COL6A6: variants seen among roughly 807,000 people sequenced by gnomAD.
The protein encoded by COL6A6 is collagen alpha-6(VI) chain.
A neutral mutation model predicts 208.6 loss-of-function variants in COL6A6; 183 were observed. The observed-to-expected ratio is 0.88, with a 90% confidence interval of 0.78 to 0.99. COL6A6 has a LOEUF of 0.99. COL6A6 is among the 50% of genes least tolerant of loss of function. The pLI is 0.00. For missense variants in COL6A6, 2,816 were observed against 2,815.2 expected, an observed-to-expected ratio of 1.00 and a Z score of -0.01; for synonymous variants, 973 against 1,011.8, an observed-to-expected ratio of 0.96 and a Z score of 0.73.
intron 1 of COL6A6, among the ~76,000 whole-genome samples, chr3:130,532,805 C>G (rs988591361): frequency 1.3e-5 from 2 of 152,074 alleles, no homozygotes; most frequent in African/African-American, 4.8e-5. Context: ...GAGATAGTGG[C>G]CAGAGTCATC....
chr3:130,627,206 G>A (rs2064915797), intron 25 of COL6A6, 113 bp from the exon 26 acceptor site: 1 of 911,854 alleles, frequency 1.1e-6, no homozygotes, highest in Admixed American at 2.0e-5. Context: ...GGAGGATCCT[G>A]TGTCCTGCTT....
chr3:130,675,479 A>C lies in COL6A6; in HGVS notation c.*82A>C. ...GTAACTAAATCTGCTGCCAGAACTC[A>C]AGCAACAGTTTGTAGGTTATCAGGT... On this transcript the variant is annotated 3_prime_UTR_variant, in exon 37 of 37. Transcript: ENST00000358511. 5.0e-5 allele frequency: 52 copies of C among 1,036,312 alleles called. No homozygotes were observed. Among genetic ancestry groups the C allele is most frequent in the Non-Finnish European group, 6.9e-5 (50 of 725,358 alleles). 64.2% of individuals were successfully genotyped at this position (1,036,312 alleles called of 1,614,324 possible).
rs2066338501 is a variant in COL6A6, at chr3:130,675,535, G to C, written c.*138G>C. On this transcript the variant is annotated 3_prime_UTR_variant, in exon 37 of 37. Transcript: ENST00000358511. ...GACCCCCTGCATTCATTGGTATTAA[G>C]ATATATCTTGTTCATTTATTTGACC... 1 of 568,290 alleles carries C rather than the reference G, an allele frequency of 1.8e-6. No homozygotes were observed. The highest frequency in any genetic ancestry group is 3.2e-5 in the Admixed American group (1 of 31,044). The allele number at this position is 568,290 out of a possible 1,614,324, so 35.2% of individuals were successfully genotyped here. A position where few individuals can be genotyped will look rare whatever the true frequency, so the allele number is the denominator to read the frequency against.
At chr3:130,602,752 T>C (rs981044013) in intron 20 of COL6A6, among the ~76,000 whole-genome samples, 2 of 152,244 alleles carry the variant, frequency 1.3e-5, no homozygotes, top group African/African-American at 4.8e-5. Context: ...AATAAAACAC[T>C]ATTTAGAATT....
At chr3:130,617,746 A>G (rs951218830) in intron 23 of COL6A6, among the ~76,000 whole-genome samples, 1 of 152,206 alleles carries the variant, frequency 6.6e-6, no homozygotes, top group Non-Finnish European at 1.5e-5. Context: ...GTGAGTTTTC[A>G]TACATTACCC....
chr3:130,608,252 A>G (rs2064244491), intron 21 of COL6A6, among the ~76,000 whole-genome samples: 2 of 152,216 alleles, frequency 1.3e-5, no homozygotes, highest in South Asian at 4.1e-4. Context: ...ATGGCATGAT[A>G]TAAATGAAAT....
chr3:130,547,892 G>T (rs2062555178), intron 1 of COL6A6, among the ~76,000 whole-genome samples: 1 of 152,206 alleles, frequency 6.6e-6, no homozygotes, highest in Non-Finnish European at 1.5e-5. Flanking sequence ...TCGCCTCCCG[G>T]GTTCAAGTGA....
intron 10 of COL6A6, among the ~76,000 whole-genome samples, chr3:130,582,862 G>A (rs925215779): frequency 6.6e-6 from 1 of 152,074 alleles, no homozygotes; most frequent in Admixed American, 6.5e-5. Flanking sequence ...CCCATCCTTG[G>A]GCAGCAGATA....
At chr3:130,611,757 A>G (rs1370237772) in intron 23 of COL6A6, among the ~76,000 whole-genome samples, 2 of 152,230 alleles carry the variant, frequency 1.3e-5, no homozygotes, top group East Asian at 3.8e-4. Context: ...CTATTTGCAT[A>G]AACTTGTATC....
intron 18 of COL6A6, among the ~76,000 whole-genome samples, chr3:130,595,708 A>G (rs1369926918): frequency 6.6e-6 from 1 of 152,198 alleles, no homozygotes; most frequent in Non-Finnish European, 1.5e-5. Flanking sequence ...TGTTATACTA[A>G]TGATAGGTGG....
At chr3:130,575,196 A>G (rs144076421) in intron 8 of COL6A6, among the ~76,000 whole-genome samples, 36 of 152,326 alleles carry the variant, frequency 2.4e-4, no homozygotes, top group African/African-American at 8.7e-4. Flanking sequence ...GAAGACAGAC[A>G]GCCTGACAGC....
At chr3:130,533,572 A>T (rs1193338832) in intron 1 of COL6A6, among the ~76,000 whole-genome samples, 1 of 152,252 alleles carries the variant, frequency 6.6e-6, no homozygotes, top group Admixed American at 6.5e-5. Flanking sequence ...CTTTTTAAAA[A>T]AATAAAATAT....
intron 32 of COL6A6, among the ~76,000 whole-genome samples, chr3:130,646,722 A>G (rs1199030493): frequency 6.6e-6 from 1 of 152,242 alleles, no homozygotes; most frequent in Non-Finnish European, 1.5e-5. Context: ...AGAGTAGTGC[A>G]TAAAAACATG....
chr3:130,543,190 C>T (rs2062414084), intron 1 of COL6A6, among the ~76,000 whole-genome samples: 1 of 152,140 alleles, frequency 6.6e-6, no homozygotes, highest in African/African-American at 2.4e-5. Context: ...AGGTGTGAGC[C>T]ACCGTGTCTG....
At chr3:130,612,394 C>A (rs1576329104) in intron 23 of COL6A6, among the ~76,000 whole-genome samples, 1 of 152,274 alleles carries the variant, frequency 6.6e-6, no homozygotes, top group East Asian at 1.9e-4. Context: ...ACAGTCCCAC[C>A]AGGAGTGTGC....
intron 32 of COL6A6, among the ~76,000 whole-genome samples, chr3:130,648,201 A>G (rs915722451): frequency 1.3e-5 from 2 of 152,324 alleles, no homozygotes; most frequent in Admixed American, 1.3e-4. Flanking sequence ...CAGTTTCTCT[A>G]AGTAATAAGG....
At chr3:130,582,438 G>A (rs1439819615) in intron 10 of COL6A6, among the ~76,000 whole-genome samples, 1 of 152,180 alleles carries the variant, frequency 6.6e-6, no homozygotes, top group Non-Finnish European at 1.5e-5. Flanking sequence ...ACCAGGGAAT[G>A]AGAGTCAGTT....
In COL6A6 at chr3:130,574,391, G is replaced by A. The variant is rs746169004; in HGVS notation, c.3413G>A (p.Gly1138Glu). The A allele has an allele frequency of 2.5e-6, 4 of 1,613,910 alleles. No homozygotes were observed. Among genetic ancestry groups the A allele is most frequent in the Middle Eastern group, 1.6e-4 (1 of 6,084 alleles). The change falls in exon 8 of 37, where the codon GGG becomes GAG. Residue 1138 changes from glycine (G) to glutamate (E), a missense_variant. Physicochemically the swap from Gly to Glu is moderately conservative, Grantham distance 98. Transcript: ENST00000358511. The part of the protein sequence containing the change: ...RGIDIYSVGI[G>E]DVDDQQLIQI... ...ATCGACATCTACTCCGTGGGCATTG[G>A]GGATGTGGATGACCAGCAGCTCATT... is the stretch of plus-strand genomic sequence containing the variant.
chr3:130,533,419 T>C (rs2062153414), intron 1 of COL6A6, among the ~76,000 whole-genome samples: 1 of 152,198 alleles, frequency 6.6e-6, no homozygotes, highest in African/African-American at 2.4e-5. Flanking sequence ...AAGACCTTTG[T>C]TTGTTCCTTC....
Sources: allele counts gnomAD v4.1 joint callset (sites outside exome capture counted in the v4.1 genomes callset), GRCh38; gene constraint gnomAD v4.1.1; transcripts MANE v1.5; gene names NCBI Gene and HGNC (gene_info 2026-07-23, HGNC 2026-07-21).